Variants in CHTF18 observed in about 807,000 individuals in gnomAD.
The protein encoded by CHTF18 is chromosome transmission fidelity protein 18 homolog.
Under a neutral mutation model 113.4 loss-of-function variants are expected in CHTF18, and 151 were observed. The ratio of observed to expected loss-of-function variants is 1.33; its 90% confidence interval spans 1.17 to 1.52. CHTF18 has a LOEUF of 1.52. Ranked by LOEUF, CHTF18 falls within the 40% of genes most tolerant of loss-of-function variation. CHTF18 has a pLI of 0.00. For synonymous variants in CHTF18, 916 were observed against 598.8 expected, an observed-to-expected ratio of 1.53 and a Z score of -7.74; for missense variants, 1,982 against 1,381.6, an observed-to-expected ratio of 1.43 and a Z score of -6.89.
chr16:789,166 C>T lies in CHTF18; in HGVS notation c.286+41C>T, dbSNP rs562447528. ...TGCCCCAGGGCCTCCGGAGTGGGCG[C>T]GAGGCTGAGGAGGCCTCTGGTTCCC... On this transcript the variant is annotated intron_variant, in intron 2 of 21. Coordinates refer to ENST00000262315, the MANE Select transcript of CHTF18 (RefSeq NM_022092.3). 20 of 1,549,956 alleles carry T rather than the reference C, an allele frequency of 1.3e-5. 1 individual carries two copies. The highest frequency in any genetic ancestry group is 1.2e-4 in the African/African-American group (9 of 73,144).
chr16:793,164 G>C lies in CHTF18; in HGVS notation c.1692G>C (p.Gln564His), dbSNP rs1478969359. ...TCTAGTTCCTGTACAGCCGGGGCCA[G>C]CGGGAGCTGAGCGTGCGGGACGTGC... ...NTLQFLYSRG[Q>H]RELSVRDVQA... Residue 564 changes from glutamine (Q) to histidine (H), a missense_variant, in exon 14 of 22, where the codon CAG becomes CAC. Physicochemically the swap from Gln to His is conservative, Grantham distance 24. Coordinates refer to ENST00000262315, the MANE Select transcript of CHTF18 (RefSeq NM_022092.3). The C allele has an allele frequency of 1.2e-6, 2 of 1,605,584 alleles. No individual in the cohort carries two copies. The highest frequency in any genetic ancestry group is 1.7e-6 in the Non-Finnish European group (2 of 1,177,282).
rs556163110 is a variant in CHTF18, at chr16:794,027, C to A, written c.1803-27C>A. ...GCTGCCTGTGCTTTTAACACGGGTC[C>A]ATCTAGCTTCAGCACCCCACCTGCA... On this transcript the variant is annotated intron_variant, in intron 14 of 21. Coordinates refer to ENST00000262315, the MANE Select transcript of CHTF18 (RefSeq NM_022092.3). The A allele has an allele frequency of 8.1e-6, 13 of 1,600,898 alleles. No homozygotes were observed. In the South Asian group the frequency reaches 1.4e-4, roughly 18 times the overall value.
intron 15 of CHTF18, 130 bp from the exon 16 acceptor site, chr16:795,002 G>A: frequency 1.4e-6 from 1 of 718,364 alleles, no homozygotes; most frequent in Non-Finnish European, 2.3e-6. Context: ...GACCCTTGTG[G>A]AGGGTCTGCG....
At position 792,784 on chromosome 16, in the gene CHTF18, C is replaced by G. The variant is rs1268363709; in HGVS notation, c.1545C>G (p.Pro515=). ...TGCTCCACTTCCCGCCGACTCTGCCCTCGAGGCTGGTGCAGCGGCTCCAGG... is the reference window on the plus strand; with the variant it reads ...TGCTCCACTTCCCGCCGACTCTGCCGTCGAGGCTGGTGCAGCGGCTCCAGG... ...AFLLHFPPTL[P]SRLVQRLQEV... is the part of the protein sequence containing the mutation. Residue 515 remains proline, a synonymous_variant, in exon 12 of 22, where the codon CCC becomes CCG. Coordinates refer to ENST00000262315, the MANE Select transcript of CHTF18 (RefSeq NM_022092.3). 5 of 1,544,960 alleles carry G rather than the reference C, an allele frequency of 3.2e-6. No individual in the cohort carries two copies. The highest frequency in any genetic ancestry group is 4.4e-6 in the Non-Finnish European group (5 of 1,149,192).
Position 792,457 on chromosome 16 carries a change from C to T in CHTF18, c.1345C>T (p.Leu449=), listed in dbSNP as rs1248175398. ...GAPVAAINVL[L]SILNRKGPQE... ...CCCCAAGGCCGCCATCAACGTCCTC[C>T]TGAGCATCCTGAACCGCAAGGGGCC... The change falls in exon 11 of 22, where the codon CTG becomes TTG. Residue 449 remains leucine (L), a synonymous_variant. Transcript: ENST00000262315. The T allele has an allele frequency of 9.5e-6, 15 of 1,570,998 alleles. No individual in the cohort carries two copies. Among genetic ancestry groups the T allele is most frequent in the Non-Finnish European group, 1.3e-5 (15 of 1,158,578 alleles).
rs367695694 is a variant in CHTF18, at chr16:790,684, C to G, written c.894+18C>G. The stretch of plus-strand genomic sequence containing the variant: ...GTGATGACGTGAGGTCTTGTTCTCA[C>G]TCAAGTGTGGCTGGCTTCCTCTGTT... On this transcript the variant is annotated intron_variant, in intron 7 of 21. Transcript: ENST00000262315. 4.0e-6 allele frequency: 6 copies of G among 1,518,972 alleles called. No homozygotes were observed. The highest frequency in any genetic ancestry group is 5.3e-6 in the Non-Finnish European group (6 of 1,141,206). The allele number at this position is 1,518,972 out of a possible 1,614,324, so 94.1% of individuals were successfully genotyped here. A position where few individuals can be genotyped will look rare whatever the true frequency, so the allele number is the denominator to read the frequency against.
rs201606014 is a variant in CHTF18 at position 789,739 on chromosome 16, A to T, written c.606+24A>T. 125 of 1,560,658 alleles carry T rather than the reference A, an allele frequency of 8.0e-5. No homozygotes were observed. In the African/African-American group the frequency reaches 1.4e-3, roughly 17 times the overall value. ...AGGTGCGTGGCTGTGGCCTTCCTGC[A>T]CGGTGGGTGGGCCAGTGCTGCTCAG... On this transcript the variant is annotated intron_variant, in intron 4 of 21. Coordinates refer to ENST00000262315, the MANE Select transcript of CHTF18 (RefSeq NM_022092.3).
intron 7 of CHTF18, 177 bp downstream of exon 7, chr16:790,843 C>T (rs1022245111): frequency 2.2e-5 from 32 of 1,430,262 alleles, no homozygotes; most frequent in Admixed American, 8.8e-5. Flanking sequence ...GCTACTGGTC[C>T]CCTGTGACCT....
rs2042189438 is a variant in CHTF18, at chr16:791,323, G to A, written c.1057G>A (p.Glu353Lys). ...GAAGAGCCACGAACAGGTGCTGGAG[G>A]AGATGCTGGAGGCTGGGCTGGACCC... ...KWKSHEQVLE[E>K]MLEAGLDPSQ... The change falls in exon 8 of 22, where the codon GAG (glutamate) becomes AAG (lysine). Residue 353 changes from glutamate to lysine, a missense_variant. By Grantham distance (56) the Glu-to-Lys change is moderately conservative. Transcript: ENST00000262315. The A allele has an allele frequency of 2.5e-6, 4 of 1,609,840 alleles. No individual in the cohort carries two copies. Among genetic ancestry groups the A allele is most frequent in the Non-Finnish European group, 3.4e-6 (4 of 1,179,498 alleles).
chr16:795,746 C>A lies in CHTF18; in HGVS notation c.2237C>A (p.Pro746Gln). Residue 746 changes from proline to glutamine, a missense_variant, in exon 17 of 22, where the codon CCA becomes CAA. Transcript: ENST00000262315. ...LIQTLVSGIA[P>Q]ATRSRATPQA... ...CAGACGCTGGTGTCCGGCATCGCGC[C>A]AGCCACGCGCAGCCGGGCCACGCCC... is the stretch of plus-strand genomic sequence containing the variant. The A allele has an allele frequency of 1.2e-6, 2 of 1,608,416 alleles. No homozygotes were observed. The highest frequency in any genetic ancestry group is 1.7e-6 in the Non-Finnish European group (2 of 1,178,570).
Position 793,005 on chromosome 16 carries a change from C to G in CHTF18, c.1612C>G (p.Leu538Val). ...GGGCATGAGGGCCGACCCAGGGGTG[C>G]TGGCCGCCCTCTGTGAGAAAACTGA... ...RQGMRADPGV[L>V]AALCEKTDND... The change falls in exon 13 of 22, where the codon CTG (leucine) becomes GTG (valine). Residue 538 changes from leucine (L) to valine (V), a missense_variant. Leu to Val is a conservative substitution (Grantham distance 32, BLOSUM62 1). Coordinates refer to ENST00000262315, the MANE Select transcript of CHTF18 (RefSeq NM_022092.3). The G allele has an allele frequency of 6.4e-7, 1 of 1,565,352 alleles. No homozygotes were observed. The highest frequency in any genetic ancestry group is 8.7e-7 in the Non-Finnish European group (1 of 1,155,898).
rs368893176 is a variant in CHTF18 at position 794,070 on chromosome 16, G to A, written c.1819G>A (p.Asp607Asn). The change falls in exon 15 of 22, where the codon GAC (aspartate) becomes AAC (asparagine). Residue 607 changes from aspartate (D) to asparagine (N), a missense_variant. Asp to Asn is a conservative substitution (Grantham distance 23, BLOSUM62 1). Transcript: ENST00000262315. ...CACCTGCAGGCGCCGTGTGGGCCAG[G>A]ACCCCGCCCTGCCTGCTGACACACT... ...PRAQRRRVGQ[D>N]PALPADTLLL... 83 of 1,611,434 alleles carry A rather than the reference G, an allele frequency of 5.2e-5. No homozygotes were observed. In the African/African-American group the frequency reaches 1.0e-3, roughly 20 times the overall value.
In CHTF18 at chr16:788,642, CG is replaced by C; in HGVS notation, c.-41del. 1 of 1,423,196 alleles carries C rather than the reference CG, an allele frequency of 7.0e-7. No individual in the cohort carries two copies. The highest frequency in any genetic ancestry group is 9.3e-7 in the Non-Finnish European group (1 of 1,077,990). 88.2% of individuals were successfully genotyped at this position (1,423,196 alleles called of 1,614,324 possible). A position where few individuals can be genotyped will look rare whatever the true frequency, so the allele number is the denominator to read the frequency against. ...GGCGGGCAGTGCGCGACGGCGGCGGCGGCGCGGGAGGTTCGGAGCGGGAGCT... is the reference window on the plus strand; with the variant it reads ...GGCGGGCAGTGCGCGACGGCGGCGGCGCGCGGGAGGTTCGGAGCGGGAGCT... On this transcript the variant is annotated 5_prime_UTR_variant, in exon 1 of 22. Coordinates refer to ENST00000262315, the MANE Select transcript of CHTF18 (RefSeq NM_022092.3).
intron 4 of CHTF18, 48 bp downstream of exon 4, chr16:789,763 A>G (rs2042122620): frequency 6.6e-7 from 1 of 1,517,228 alleles, no homozygotes; most frequent in Admixed American, 2.0e-5. Context: ...AGTGCTGCTC[A>G]GGAAAGGGTC....
chr16:789,442 C>T (rs1320654308), intron 3 of CHTF18, 82 bp downstream of exon 3: 3 of 1,536,608 alleles, frequency 2.0e-6, no homozygotes, highest in African/African-American at 2.7e-5. Flanking sequence ...TGGATGAGGC[C>T]TGGGGGGTGG....
chr16:794,206 C>G lies in CHTF18; in HGVS notation c.1950+5C>G, dbSNP rs148832957. 2 of 1,609,100 alleles carry G rather than the reference C, an allele frequency of 1.2e-6. No homozygotes were observed. Among genetic ancestry groups the G allele is most frequent in the South Asian group, 1.1e-5 (1 of 90,978 alleles). On this transcript the variant is annotated splice_donor_5th_base_variant and intron_variant, in intron 15 of 21. Transcript: ENST00000262315. ...GAGCACGAGAAGGTGGTCCAGGTAC[C>G]TGTCTTCCACCAAAATGCCTGCCTG...
At chr16:794,302 T>A in intron 15 of CHTF18, 101 bp downstream of exon 15, 1 of 1,386,066 alleles carries the variant, frequency 7.2e-7, no homozygotes, top group East Asian at 2.4e-5. Flanking sequence ...GGGAGGCGCT[T>A]TGGGGGTGCT....
rs752822026 is a variant in CHTF18 at position 792,782 on chromosome 16, C to T, written c.1543C>T (p.Pro515Ser). The T allele has an allele frequency of 1.9e-6, 3 of 1,545,164 alleles. No individual in the cohort carries two copies. In the South Asian group the frequency reaches 3.6e-5, roughly 18 times the overall value. Residue 515 changes from proline to serine, a missense_variant, in exon 12 of 22, where the codon CCC becomes TCC. Transcript: ENST00000262315. ...CCTGCTCCACTTCCCGCCGACTCTG[C>T]CCTCGAGGCTGGTGCAGCGGCTCCA... is the stretch of plus-strand genomic sequence containing the variant. ...AFLLHFPPTL[P>S]SRLVQRLQEV...
Position 790,519 on chromosome 16 carries a change from C to T in CHTF18, c.753-6C>T, listed in dbSNP as rs574309644. The T allele has an allele frequency of 9.4e-6, 15 of 1,603,128 alleles. No individual in the cohort carries two copies. Among genetic ancestry groups the T allele is most frequent in the Middle Eastern group, 1.7e-4 (1 of 6,038 alleles). On this transcript the variant is annotated splice_region_variant and splice_polypyrimidine_tract_variant and intron_variant, in intron 6 of 21. Coordinates refer to ENST00000262315, the MANE Select transcript of CHTF18 (RefSeq NM_022092.3). ...TGTTTGTGGCTCAGGACGTGGTCCT[C>T]TCCAGTCTCAGGTCGGGGGAGGAGG...
Sources: allele counts gnomAD v4.1 joint callset, GRCh38; gene constraint gnomAD v4.1.1; transcripts MANE v1.5; gene names NCBI Gene and HGNC (gene_info 2026-07-23, HGNC 2026-07-21).